Variants in PDE1C observed in about 807,000 individuals in gnomAD.
The protein encoded by PDE1C is phosphodiesterase 1C, also known as dual specificity calcium/calmodulin-dependent 3',5'-cyclic nucleotide phosphodiesterase 1C.
In PDE1C, 62 loss-of-function variants were observed where a neutral mutation model predicts 93.1. The observed-to-expected ratio is 0.67, with a 90% CI of 0.54 to 0.82. The LOEUF is 0.82. PDE1C is among the 40% of genes least tolerant of loss of function. PDE1C has a pLI of 0.00. For synonymous variants in PDE1C, 325 were observed against 310.1 expected, an observed-to-expected ratio of 1.05 and a Z score of -0.50; for missense variants, 742 against 884.6, an observed-to-expected ratio of 0.84 and a Z score of 2.04.
intron 2 of PDE1C, among the ~76,000 whole-genome samples, chr7:32,018,563 C>T (rs1788225210): frequency 6.6e-6 from 1 of 152,004 alleles, no homozygotes; most frequent in South Asian, 2.1e-4. Flanking sequence ...AAGCCAAACG[C>T]AAAAGATCAG....
chr7:32,183,586 C>T (rs1157303105), intron 2 of PDE1C, among the ~76,000 whole-genome samples: 1 of 152,148 alleles, frequency 6.6e-6, no homozygotes, highest in African/African-American at 2.4e-5. Context: ...GCTGGGAAAA[C>T]GGGCTAGCCA....
chr7:31,796,992 C>G (rs915938901), intron 16 of PDE1C, among the ~76,000 whole-genome samples: 9 of 151,810 alleles, frequency 5.9e-5, no homozygotes, highest in African/African-American at 2.2e-4. Context: ...TGGGCAGGGA[C>G]ATTGGAGTGG....
Position 31,879,154 on chromosome 7 carries a change from C to A in PDE1C, c.267G>T (p.Glu89Asp), listed in dbSNP as rs760789343. The A allele has an allele frequency of 6.2e-7, 1 of 1,613,878 alleles. No individual in the cohort carries two copies. Among genetic ancestry groups the A allele is most frequent in the Non-Finnish European group, 8.5e-7 (1 of 1,179,974 alleles). ...CAGCATCTGACTGAATGTCACTGAGCTCATCCTCTGTATCCAGGAGTCTCC... is the reference window on the plus strand; with the variant it reads ...CAGCATCTGACTGAATGTCACTGAGATCATCCTCTGTATCCAGGAGTCTCC... ...ETRRLLDTED[E>D]LSDIQSDAVP... Residue 89 changes from glutamate (E) to aspartate (D), a missense_variant, in exon 4 of 18, where the codon GAG (glutamate) becomes GAT (aspartate). Glu to Asp is a conservative substitution (Grantham distance 45, BLOSUM62 2). Transcript: ENST00000396191.
chr7:31,618,431 A>G, the PDE1C span, among the ~76,000 whole-genome samples: 2 of 151,954 alleles, frequency 1.3e-5, no homozygotes. Flanking sequence ...GCTGTTGCCA[A>G]CTCTTGGCAC....
At chr7:32,305,783 G>A (rs1221609042) in intron 1 of PDE1C, among the ~76,000 whole-genome samples, 1 of 152,256 alleles carries the variant, frequency 6.6e-6, no homozygotes, top group African/African-American at 2.4e-5. Flanking sequence ...CTCTGTGAGA[G>A]TTAGGAAAGG....
intron 1 of PDE1C, among the ~76,000 whole-genome samples, chr7:32,356,672 A>G (rs1477002633): frequency 6.6e-6 from 1 of 152,228 alleles, no homozygotes; most frequent in African/African-American, 2.4e-5. Flanking sequence ...ACCCCTGCAA[A>G]TTAGCTGATG....
At position 31,894,321 on chromosome 7, in the gene PDE1C, C is replaced by T. The variant is rs78969000; in HGVS notation, c.129-13461G>A. ...ACAGGAGAGGGGCATCTGCCCTGTC[C>T]ACAGCCTGACAGAGCCAAAGGCAAG... is the stretch of plus-strand genomic sequence containing the variant. On this transcript the variant is annotated intron_variant, in intron 2 of 17. Transcript: ENST00000396191. Among the ~76,000 whole-genome samples the T allele has an allele frequency of 4.8e-3, 732 of 152,356 alleles. 2 individuals are homozygous for T. Among genetic ancestry groups the T allele is most frequent in the Non-Finnish European group, 7.9e-3 (535 of 68,028 alleles).
chr7:31,711,514 T>C, the PDE1C span, among the ~76,000 whole-genome samples: 1 of 152,086 alleles, frequency 6.6e-6, no homozygotes, highest in Admixed American at 6.5e-5. Context: ...GAAAATAGGG[T>C]CCAAAAACAC....
chr7:32,382,881 C>T (rs1784559377), intron 1 of PDE1C, among the ~76,000 whole-genome samples: 1 of 152,198 alleles, frequency 6.6e-6, no homozygotes, highest in South Asian at 2.1e-4. Flanking sequence ...CCAGGCAGAC[C>T]TCTCCCACCC....
intron 16 of PDE1C, among the ~76,000 whole-genome samples, chr7:31,798,630 A>G (rs146939397): frequency 2.0e-3 from 306 of 151,918 alleles, no homozygotes; most frequent in African/African-American, 7.0e-3. Context: ...TCATATCAAC[A>G]GTTCCTTAGA....
intron 3 of PDE1C, among the ~76,000 whole-genome samples, chr7:32,168,360 C>T (rs1441975262): frequency 1.3e-5 from 2 of 152,154 alleles, no homozygotes; most frequent in African/African-American, 4.8e-5. Context: ...AGAATGCAAA[C>T]AAAACAGATG....
chr7:31,786,950 T>TATC (rs1784055537), intron 16 of PDE1C: 1 of 118,038 alleles, frequency 8.5e-6, no homozygotes, highest in Non-Finnish European at 1.6e-5. Context: ...TCTATCTATC[T>TATC]ATCTATCATC....
intron 3 of PDE1C, among the ~76,000 whole-genome samples, chr7:32,146,379 T>G (rs927455159): frequency 3.9e-5 from 6 of 152,178 alleles, no homozygotes; most frequent in African/African-American, 1.4e-4. Flanking sequence ...TGGCAGTGCC[T>G]CGCAGAGGAG....
intron 1 of PDE1C, among the ~76,000 whole-genome samples, chr7:32,256,377 A>C (rs1171798040): frequency 6.6e-6 from 1 of 152,144 alleles, no homozygotes; most frequent in African/African-American, 2.4e-5. Flanking sequence ...AGGTGACTGG[A>C]GTAGTAGGCC....
At chr7:32,123,696 G>A (rs973620904) in intron 3 of PDE1C, among the ~76,000 whole-genome samples, 2 of 152,108 alleles carry the variant, frequency 1.3e-5, no homozygotes, top group African/African-American at 4.8e-5. Flanking sequence ...GGCATTGATT[G>A]AACATATCTC....
At chr7:32,090,789 C>T (rs1359517777) in intron 3 of PDE1C, among the ~76,000 whole-genome samples, 1 of 152,166 alleles carries the variant, frequency 6.6e-6, no homozygotes, top group Non-Finnish European at 1.5e-5. Context: ...CTCTTGGACC[C>T]TCCTGGAGAC....
upstream of PDE1C, among the ~76,000 whole-genome samples, chr7:32,075,392 C>CAG (rs1296317635): frequency 6.6e-6 from 1 of 152,070 alleles, no homozygotes; most frequent in Non-Finnish European, 1.5e-5. Context: ...CACAGCAGCC[C>CAG]CTCCTCCCCG....
In PDE1C at chr7:31,752,393, A is replaced by C. The variant is rs1005134762; in HGVS notation, c.*991T>G. The C allele has an allele frequency of 6.6e-6, 1 of 152,104 alleles. No individual in the cohort carries two copies. Among genetic ancestry groups the C allele is most frequent in the African/African-American group, 2.4e-5 (1 of 41,440 alleles). The allele number at this position is 152,104 out of a possible 1,614,324, so 9.4% of individuals were successfully genotyped here. Reference sequence around the variant, plus strand: ...CAACTGTGAGAACAATCAGGATCTCAAGGGCTTTAGATATGTAGCGTGCTG... The same window carrying C: ...CAACTGTGAGAACAATCAGGATCTCCAGGGCTTTAGATATGTAGCGTGCTG... On this transcript the variant is annotated 3_prime_UTR_variant, in exon 18 of 18. Coordinates refer to ENST00000396191, the MANE Select transcript of PDE1C (RefSeq NM_001191057.4).
At chr7:32,377,780 G>A (rs964350254) in intron 1 of PDE1C, among the ~76,000 whole-genome samples, 3 of 152,066 alleles carry the variant, frequency 2.0e-5, no homozygotes, top group Non-Finnish European at 4.4e-5. Context: ...AATTCAGGTC[G>A]GTCTAGTTAC....
Sources: allele counts gnomAD v4.1 joint callset (sites outside exome capture counted in the v4.1 genomes callset), GRCh38; gene constraint gnomAD v4.1.1; transcripts MANE v1.5; gene names NCBI Gene and HGNC (gene_info 2026-07-23, HGNC 2026-07-21).